The following PSPC1 variants were observed in gnomAD, a reference collection of about 807,000 sequenced individuals.
PSPC1 encodes the protein paraspeckle component 1, also known as paraspeckle protein 1.
Under a neutral mutation model 51.6 loss-of-function variants are expected in PSPC1, and 14 were observed. The ratio of observed to expected loss-of-function variants is 0.27; its 90% CI spans 0.18 to 0.42. PSPC1 has a LOEUF of 0.42. PSPC1 is among the 10% of genes least tolerant of loss of function. The pLI is 1.00. For missense variants in PSPC1, 406 were observed against 701.1 expected, an observed-to-expected ratio of 0.58 and a Z score of 4.75; for synonymous variants, 193 against 231.9, an observed-to-expected ratio of 0.83 and a Z score of 1.53.
intron 3 of PSPC1, among the ~76,000 whole-genome samples, chr13:19,751,892 C>T (rs1886593363): frequency 1.3e-5 from 2 of 152,042 alleles, no homozygotes; most frequent in South Asian, 2.1e-4. Context: ...CCCGTCTCTA[C>T]TAAAAATACA....
At chr13:19,741,883 G>C (rs1885468988) in intron 4 of PSPC1, among the ~76,000 whole-genome samples, 1 of 150,502 alleles carries the variant, frequency 6.6e-6, no homozygotes, top group Non-Finnish European at 1.5e-5. Context: ...TACAATCCCA[G>C]TAATTTGGGA....
intron 1 of PSPC1, among the ~76,000 whole-genome samples, chr13:19,777,923 G>C (rs894874280): frequency 1.3e-5 from 2 of 149,702 alleles, no homozygotes; most frequent in African/African-American, 4.9e-5. Flanking sequence ...TCCAGCCTGG[G>C]CGACAGAGTG....
At position 19,782,596 on chromosome 13, in the gene PSPC1, C is replaced by A; in HGVS notation, c.162G>T (p.Glu54Asp). ...ACCCCATCTCCTCGTCCGGGTGGTC[C>A]TCTGGAGGCGCGGGCGCGGGCGGTG... ...EPAPPAPAPP[E>D]DHPDEEMGFT... Residue 54 changes from glutamate to aspartate, a missense_variant, in exon 1 of 9, where the codon GAG (glutamate) becomes GAT (aspartate). Glu to Asp is a conservative substitution (Grantham distance 45, BLOSUM62 2). This residue lies in a region of PSPC1 where 128 missense variants were observed against 107.1 expected (regional missense o/e 1.20). Coordinates refer to ENST00000338910, the MANE Select transcript of PSPC1 (RefSeq NM_001354909.2). This position sits in a 1 kb window ranked among gnomAD's most constrained non-coding sequence, Gnocchi z 4.5. The A allele has an allele frequency of 6.3e-7, 1 of 1,589,282 alleles. No individual in the cohort carries two copies.
At position 19,679,741 on chromosome 13, in the gene PSPC1, G is replaced by GC. The variant is rs576924918; in HGVS notation, c.1159-1919dup. 4.7e-4 allele frequency among the ~76,000 whole-genome samples: 71 copies of GC among 152,218 alleles called. 2 individuals are homozygous for GC. The Middle Eastern group carries it at 0.031, about 66-fold the overall frequency. On this transcript the variant is annotated intron_variant and NMD_transcript_variant, in intron 6 of 7. Transcript: ENST00000471658. ...TCTGCAGATTTTGATATTCATGGGG[G>GC]CAGAAGCAACCTCCCAGGAAATGGA...
At chr13:19,708,912 C>T (rs1278497185) in intron 7 of PSPC1, among the ~76,000 whole-genome samples, 1 of 152,098 alleles carries the variant, frequency 6.6e-6, no homozygotes, top group African/African-American at 2.4e-5. Context: ...CCTGGAATAT[C>T]AGCACTTTGG....
intron 6 of PSPC1, among the ~76,000 whole-genome samples, chr13:19,710,765 A>C (rs1471702293): frequency 6.6e-6 from 1 of 152,196 alleles, no homozygotes; most frequent in African/African-American, 2.4e-5. Context: ...GGTACAACAA[A>C]AACACCATCA....
At chr13:19,748,370 A>G (rs1886201803) in intron 4 of PSPC1, among the ~76,000 whole-genome samples, 2 of 152,250 alleles carry the variant, frequency 1.3e-5, no homozygotes, top group Non-Finnish European at 2.9e-5. Context: ...TGAACCCAGA[A>G]GCAGGGAGTA....
At chr13:19,741,539 T>C (rs550636099) in intron 5 of PSPC1, 26 bp downstream of exon 5, 33 of 1,470,932 alleles carry the variant, frequency 2.2e-5, no homozygotes, top group African/African-American at 9.9e-5. Flanking sequence ...ATACAATTCA[T>C]GTTTCTTAAA....
At chr13:19,745,397 T>C (rs769604483) in intron 4 of PSPC1, among the ~76,000 whole-genome samples, 18 of 152,156 alleles carry the variant, frequency 1.2e-4, no homozygotes, top group Non-Finnish European at 4.4e-5. Context: ...AATTTCAATG[T>C]ATCATAAATA....
chr13:19,721,237 T>C (rs537549298), intron 6 of PSPC1, among the ~76,000 whole-genome samples: 13 of 151,088 alleles, frequency 8.6e-5, no homozygotes, highest in African/African-American at 2.9e-4. Context: ...CAAGTTAAAT[T>C]TTTATGCCTT....
At chr13:19,709,852 T>C (rs1271136877) in intron 6 of PSPC1, among the ~76,000 whole-genome samples, 1 of 150,908 alleles carries the variant, frequency 6.6e-6, no homozygotes, top group East Asian at 1.9e-4. Context: ...TTATATAAAA[T>C]ATATCACAAA....
At chr13:19,719,754 C>A (rs1397573224) in intron 6 of PSPC1, among the ~76,000 whole-genome samples, 1 of 152,042 alleles carries the variant, frequency 6.6e-6, no homozygotes, top group African/African-American at 2.4e-5. Flanking sequence ...GCTTTCTAAC[C>A]GAAGATCAAT....
chr13:19,734,997 C>CG (rs1566008017), intron 5 of PSPC1, among the ~76,000 whole-genome samples: 2 of 147,602 alleles, frequency 1.4e-5, no homozygotes, highest in Non-Finnish European at 3.0e-5. Context: ...AACAAACAAA[C>CG]AAACAAAAAA....
intron 5 of PSPC1, among the ~76,000 whole-genome samples, chr13:19,732,841 C>T (rs188166355): frequency 1.9e-4 from 29 of 151,736 alleles, no homozygotes; most frequent in Admixed American, 4.6e-4. Context: ...GCAGGAGAAT[C>T]GCTTGAGCCC....
At chr13:19,768,043 C>A (rs1376352059) in intron 2 of PSPC1, among the ~76,000 whole-genome samples, 7 of 151,516 alleles carry the variant, frequency 4.6e-5, no homozygotes, top group African/African-American at 1.5e-4. Context: ...CATAGCAAGA[C>A]CTCATATCTA....
intron 6 of PSPC1, among the ~76,000 whole-genome samples, chr13:19,726,326 A>T (rs2137892663): frequency 6.6e-6 from 1 of 152,350 alleles, no homozygotes; most frequent in African/African-American, 2.4e-5. Flanking sequence ...CTTCGCTACC[A>T]AAAAGAAATA....
At chr13:19,713,452 G>A (rs941229484) in intron 6 of PSPC1, among the ~76,000 whole-genome samples, 6 of 138,354 alleles carry the variant, frequency 4.3e-5, no homozygotes, top group African/African-American at 1.1e-4. Context: ...TAACCTATAC[G>A]ATTCTACTGA....
intron 2 of PSPC1, among the ~76,000 whole-genome samples, chr13:19,761,392 G>A (rs1254711863): frequency 5.9e-5 from 9 of 151,962 alleles, no homozygotes; most frequent in African/African-American, 9.7e-5. Context: ...CTTTGAGATC[G>A]GCTCTTCACC....
chr13:19,689,452 A>G (rs569608836), intron 6 of PSPC1, among the ~76,000 whole-genome samples: 1 of 152,222 alleles, frequency 6.6e-6, no homozygotes, highest in Non-Finnish European at 1.5e-5. Flanking sequence ...TTATGCTCCA[A>G]AAGTACTTAA....
Sources: allele counts gnomAD v4.1 joint callset (sites outside exome capture counted in the v4.1 genomes callset), GRCh38; gene constraint gnomAD v4.1.1; regional missense constraint gnomAD v4.1.1; non-coding constraint Gnocchi (gnomAD v3.1); transcripts MANE v1.5; gene names NCBI Gene and HGNC (gene_info 2026-07-23, HGNC 2026-07-21).